SOX5: variants seen among roughly 807,000 people sequenced by gnomAD.
SOX5 encodes the protein transcription factor SOX-5.
Under a neutral mutation model 92.0 loss-of-function variants are expected in SOX5, and 9 were observed. The ratio of observed to expected loss-of-function variants is 0.10; its 90% confidence interval spans 0.06 to 0.17. The LOEUF (loss-of-function observed/expected upper bound fraction) is 0.17, where lower values mean the gene tolerates loss of function less well. Among genes scored for constraint, SOX5 ranks in the 10% least tolerant of loss-of-function variants. The pLI is 1.00. For synonymous variants in SOX5, 344 were observed against 336.3 expected (o/e 1.02, Z -0.25); for missense variants, 642 against 944.5 (o/e 0.68, Z 4.20).
At chr12:24,006,667 T>TTG (rs1952203522) in intron 4 of SOX5, among the ~76,000 whole-genome samples, 1 of 152,102 alleles carries the variant, frequency 6.6e-6, no homozygotes, top group Non-Finnish European at 1.5e-5. Flanking sequence ...GTTAGGAAGA[T>TTG]TCCTTGTCCA....
chr12:23,914,604 T>C (rs868755981), intron 1 of SOX5, among the ~76,000 whole-genome samples: 6 of 152,154 alleles, frequency 3.9e-5, no homozygotes, highest in Admixed American at 2.0e-4. Context: ...TATGTAAATG[T>C]AAGCAGTAAA....
At chr12:23,754,836 T>G (rs2094310505) in intron 4 of SOX5, among the ~76,000 whole-genome samples, 1 of 151,818 alleles carries the variant, frequency 6.6e-6, no homozygotes, top group Non-Finnish European at 1.5e-5. Context: ...AGTGATGTCT[T>G]AAATGTATAT....
intron 1 of SOX5, among the ~76,000 whole-genome samples, chr12:24,519,897 A>T (rs1465632757): frequency 6.6e-6 from 1 of 152,194 alleles, no homozygotes; most frequent in African/African-American, 2.4e-5. Flanking sequence ...AAATTGTCAT[A>T]AGGCAAAGAC....
chr12:24,001,557 G>A (rs1555468433), intron 4 of SOX5, among the ~76,000 whole-genome samples: 1 of 152,124 alleles, frequency 6.6e-6, no homozygotes, highest in Non-Finnish European at 1.5e-5. Context: ...TAGGCTGGGT[G>A]CAATGGCTCA....
At chr12:24,433,651 C>G (rs543657788) in intron 1 of SOX5, among the ~76,000 whole-genome samples, 1 of 152,334 alleles carries the variant, frequency 6.6e-6, no homozygotes, top group Admixed American at 6.5e-5. Flanking sequence ...CAGCACTCCT[C>G]ATCATCTTCC....
In SOX5 at chr12:24,189,915, C is replaced by A. The variant is rs77279376; in HGVS notation, c.-2+23428G>T. ...TTTAAGCTTACCAATGGCAGATACC[C>A]TGCAGCTCTTACAATAGGGGAAGAA... On this transcript the variant is annotated intron_variant, in intron 4 of 4. Coordinates refer to the SOX5 transcript ENST00000446891. Among the ~76,000 whole-genome samples the A allele has an allele frequency of 1.7e-3, 263 of 152,272 alleles. 1 individual carries two copies. Among genetic ancestry groups the A allele is most frequent in the African/African-American group, 5.8e-3 (239 of 41,552 alleles).
At chr12:24,403,133 G>C (rs1962137397) in intron 1 of SOX5, among the ~76,000 whole-genome samples, 2 of 152,100 alleles carry the variant, frequency 1.3e-5, no homozygotes, top group Admixed American at 1.3e-4. Flanking sequence ...TCATACCTGA[G>C]CAGATGTTCT....
intron 8 of SOX5, among the ~76,000 whole-genome samples, chr12:23,610,489 A>C (rs535289358): frequency 1.3e-5 from 2 of 152,298 alleles, no homozygotes; most frequent in South Asian, 4.1e-4. Flanking sequence ...CTTTATCAGA[A>C]AATTTTAAAA....
intron 8 of SOX5, among the ~76,000 whole-genome samples, chr12:23,625,615 T>C (rs2077671075): frequency 6.6e-6 from 1 of 152,188 alleles, no homozygotes; most frequent in Non-Finnish European, 1.5e-5. Flanking sequence ...TTTGTTTTTG[T>C]TTTTTGTTGT....
At chr12:24,158,988 C>T (rs989136602) in intron 4 of SOX5, among the ~76,000 whole-genome samples, 2 of 151,810 alleles carry the variant, frequency 1.3e-5, no homozygotes, top group South Asian at 4.2e-4. Context: ...AAAATTACTT[C>T]GAATAGTAGC....
At chr12:24,421,194 G>A (rs1050858255) in intron 1 of SOX5, among the ~76,000 whole-genome samples, 1 of 152,164 alleles carries the variant, frequency 6.6e-6, no homozygotes, top group Non-Finnish European at 1.5e-5. Flanking sequence ...GGTATACATG[G>A]AGAGGCTTCT....
At chr12:24,384,100 T>A (rs1958116519) in intron 1 of SOX5, among the ~76,000 whole-genome samples, 1 of 152,156 alleles carries the variant, frequency 6.6e-6, no homozygotes, top group African/African-American at 2.4e-5. Context: ...CTGAGGCCTC[T>A]CCAGCCATGC....
At chr12:24,101,956 G>A (rs1946140991) in intron 4 of SOX5, among the ~76,000 whole-genome samples, 1 of 152,142 alleles carries the variant, frequency 6.6e-6, no homozygotes, top group Non-Finnish European at 1.5e-5. Context: ...ATTCTCACAA[G>A]TTGAGAATAA....
At chr12:23,795,344 A>G (rs1420529073) in intron 3 of SOX5, among the ~76,000 whole-genome samples, 1 of 152,094 alleles carries the variant, frequency 6.6e-6, no homozygotes. Context: ...CTGGCAACAG[A>G]TGCTCTAGAG....
chr12:24,442,916 C>T (rs1940863118), intron 1 of SOX5, among the ~76,000 whole-genome samples: 1 of 150,534 alleles, frequency 6.6e-6, no homozygotes. Context: ...AAAGTAGTTA[C>T]AACGTTTGAG....
At chr12:23,972,508 C>T (rs186783137) in intron 4 of SOX5, among the ~76,000 whole-genome samples, 156 of 144,680 alleles carry the variant, frequency 1.1e-3, no homozygotes, top group African/African-American at 3.6e-3. Flanking sequence ...CAGGCGCCCA[C>T]CACTACGCCT....
chr12:23,566,371 G>A (rs1188608356), intron 10 of SOX5, among the ~76,000 whole-genome samples: 2 of 152,102 alleles, frequency 1.3e-5, no homozygotes, highest in Non-Finnish European at 2.9e-5. Context: ...TGTTTCTGTT[G>A]CAATTGGTCT....
chr12:24,342,745 A>G (rs1318211857), intron 2 of SOX5, among the ~76,000 whole-genome samples: 1 of 152,182 alleles, frequency 6.6e-6, no homozygotes, highest in Non-Finnish European at 1.5e-5. Flanking sequence ...ATTCAACCCC[A>G]CAATGCAACC....
chr12:24,173,858 CG>C (rs1343043110), intron 4 of SOX5, among the ~76,000 whole-genome samples: 1 of 152,038 alleles, frequency 6.6e-6, no homozygotes, highest in Non-Finnish European at 1.5e-5. Context: ...TACTACCAGC[CG>C]TGGAAAATGA....
Sources: allele counts gnomAD v4.1 joint callset (sites outside exome capture counted in the v4.1 genomes callset), GRCh38; gene constraint gnomAD v4.1.1; transcripts MANE v1.5; gene names NCBI Gene and HGNC (gene_info 2026-07-23, HGNC 2026-07-21).